Variants in RBM26 observed in about 807,000 individuals in gnomAD.
The protein encoded by RBM26 is RNA binding motif protein 26.
A neutral mutation model predicts 123.6 loss-of-function variants in RBM26; 30 were observed. The observed-to-expected ratio is 0.24, with a 90% CI of 0.18 to 0.33. The LOEUF is 0.33. Ranked by LOEUF, RBM26 falls within the 10% of genes least tolerant of loss-of-function variation. The probability of loss-of-function intolerance (pLI) is 1.00; values close to 1 mark genes in which losing one functional copy is unlikely to be tolerated. For missense variants in RBM26, 947 were observed against 1,203.6 expected, an observed-to-expected ratio of 0.79 and a Z score of 3.15; for synonymous variants, 400 against 404.4, an observed-to-expected ratio of 0.99 and a Z score of 0.13.
intron 18 of RBM26, among the ~76,000 whole-genome samples, chr13:79,340,001 GAAT>G (rs538584836): frequency 1.2e-4 from 18 of 152,192 alleles, no homozygotes; most frequent in African/African-American, 2.9e-4. Flanking sequence ...GCAAAACACA[GAAT>G]AATAAGGAAT....
chr13:79,320,210 A>G lies in RBM26; in HGVS notation c.*411T>C. On this transcript the variant is annotated 3_prime_UTR_variant, in exon 22 of 22. Transcript: ENST00000438737. ...CTTTAGTTAGAGTACTATGTTATCT[A>G]TTCAGTTTTGAAAACATTCATTAAG... is the stretch of plus-strand genomic sequence containing the variant. The G allele has an allele frequency of 1.0e-6, 1 of 955,838 alleles. No homozygotes were observed. Among genetic ancestry groups the G allele is most frequent in the Non-Finnish European group, 1.2e-6 (1 of 802,054 alleles). 59.2% of individuals were successfully genotyped at this position (955,838 alleles called of 1,614,324 possible). A position where few individuals can be genotyped will look rare whatever the true frequency, so the allele number is the denominator to read the frequency against.
At chr13:79,316,067 A>G (rs2067113212), downstream of RBM26, among the ~76,000 whole-genome samples, 2 of 151,736 alleles carry the variant, frequency 1.3e-5, no homozygotes, top group Admixed American at 1.3e-4. Context: ...TTCCATTTGT[A>G]ATTTACAGTA....
rs2075186486 is a variant in RBM26 at position 79,365,680 on chromosome 13, T to G, written c.1315A>C (p.Ser439Arg). The G allele has an allele frequency of 6.2e-7, 1 of 1,613,974 alleles. No homozygotes were observed. Among genetic ancestry groups the G allele is most frequent in the East Asian group, 2.2e-5 (1 of 44,866 alleles). ...DTDGYNPEAP[S>R]ITNTSRPMYR... ...ATAGGTCTGGAAGTGTTTGTTATGC[T>G]TGGGGCTTCAGGATTGTAGCCATCT... The change falls in exon 9 of 22, where the codon AGC (serine) becomes CGC (arginine). Residue 439 changes from serine to arginine, a missense_variant. Transcript: ENST00000438737.
intron 6 of RBM26, 96 bp from the exon 7 acceptor site, chr13:79,366,968 AT>A: frequency 9.7e-7 from 1 of 1,036,036 alleles, no homozygotes. Context: ...AAATATGAAT[AT>A]TTTTAATATT....
chr13:79,333,429 A>C (rs1312612707), intron 20 of RBM26, among the ~76,000 whole-genome samples: 1 of 152,240 alleles, frequency 6.6e-6, no homozygotes, highest in African/African-American at 2.4e-5. Context: ...CTACCAGGTA[A>C]GCAATGTACC....
In RBM26 at chr13:79,350,619, A is replaced by AAAC. The variant is rs1484409267; in HGVS notation, c.2058+2533_2058+2534insGTT. 1.1e-4 allele frequency among the ~76,000 whole-genome samples: 16 copies of AAAC among 152,286 alleles called. No homozygotes were observed. In the South Asian group the frequency reaches 2.3e-3, roughly 22 times the overall value. On this transcript the variant is annotated intron_variant, in intron 14 of 21. Coordinates refer to ENST00000438737, the MANE Select transcript of RBM26 (RefSeq NM_001366735.2). ...ATAAAGAATAATCACTAAAGGTTTTACTGTGTGTTGTTGATAGGGAAGGTA... is the reference window on the plus strand; with the variant it reads ...ATAAAGAATAATCACTAAAGGTTTTAAACCTGTGTGTTGTTGATAGGGAAGGTA...
chr13:79,349,665 A>G (rs2072906645), intron 14 of RBM26, among the ~76,000 whole-genome samples: 2 of 151,990 alleles, frequency 1.3e-5, no homozygotes, highest in Non-Finnish European at 2.9e-5. Context: ...AAAATAGTCA[A>G]TAACAGTTAA....
intron 5 of RBM26, 121 bp downstream of exon 5, chr13:79,370,824 G>T: frequency 9.5e-7 from 1 of 1,051,922 alleles, no homozygotes; most frequent in Non-Finnish European, 1.4e-6. Flanking sequence ...CATTCTCTTG[G>T]ACCACAGAAT....
Position 79,319,753 on chromosome 13 carries a change from A to C in RBM26, c.*868T>G, listed in dbSNP as rs1466970722. The C allele has an allele frequency of 1.0e-6, 1 of 982,380 alleles. No homozygotes were observed. Among genetic ancestry groups the C allele is most frequent in the East Asian group, 1.1e-4 (1 of 8,790 alleles). The allele number at this position is 982,380 out of a possible 1,614,324, so 60.9% of individuals were successfully genotyped here. A position where few individuals can be genotyped will look rare whatever the true frequency, so the allele number is the denominator to read the frequency against. ...TAGGATCAAACCAAACTCAAGTGGT[A>C]TAATTTTTAAACATTGGATTGTACA... On this transcript the variant is annotated 3_prime_UTR_variant, in exon 22 of 22. Transcript: ENST00000438737.
downstream of RBM26, among the ~76,000 whole-genome samples, chr13:79,317,358 A>C (rs757462027): frequency 6.6e-6 from 1 of 151,700 alleles, no homozygotes; most frequent in African/African-American, 2.4e-5. Flanking sequence ...TCAAACACTA[A>C]TATAGTACCA....
intron 1 of RBM26, among the ~76,000 whole-genome samples, chr13:79,392,009 A>AT (rs1594693521): frequency 5.2e-5 from 1 of 19,400 alleles, no homozygotes; most frequent in East Asian, 2.9e-3. Context: ...ATATAATTAT[A>AT]TATTATACAT....
In RBM26 at chr13:79,366,320, C is replaced by T. The variant is rs1249368917; in HGVS notation, c.1136-125G>A. ...ATCTACAAACACCAAGCCCTTACAA[C>T]TGAATTAGATATCCAGGGTAAAATA... On this transcript the variant is annotated intron_variant, in intron 7 of 21. Coordinates refer to ENST00000438737, the MANE Select transcript of RBM26 (RefSeq NM_001366735.2). 6.5e-6 allele frequency: 7 copies of T among 1,082,126 alleles called. No homozygotes were observed. In the East Asian group the frequency reaches 1.8e-4, roughly 28 times the overall value. 67.0% of individuals were successfully genotyped at this position (1,082,126 alleles called of 1,614,324 possible). A position where few individuals can be genotyped will look rare whatever the true frequency, so the allele number is the denominator to read the frequency against.
At chr13:79,316,723 GAC>G (rs2067185097), downstream of RBM26, among the ~76,000 whole-genome samples, 1 of 151,742 alleles carries the variant, frequency 6.6e-6, no homozygotes, top group South Asian at 2.1e-4. Flanking sequence ...CTTAAGTAGA[GAC>G]ACAAAATATT....
Position 79,405,988 on chromosome 13 carries a change from C to G in RBM26, c.-214G>C. The G allele has an allele frequency of 3.2e-6, 1 of 315,438 alleles. No homozygotes were observed. The highest frequency in any genetic ancestry group is 5.8e-6 in the Non-Finnish European group (1 of 173,770). 19.5% of individuals were successfully genotyped at this position (315,438 alleles called of 1,614,324 possible). A position where few individuals can be genotyped will look rare whatever the true frequency, so the allele number is the denominator to read the frequency against. ...CGGGGTGCCAGGAGCTCCCCGTCCC[C>G]GGCCCCCAGCCCGGGCTGAAACAGC... On this transcript the variant is annotated 5_prime_UTR_variant, in exon 1 of 22. Coordinates refer to ENST00000438737, the MANE Select transcript of RBM26 (RefSeq NM_001366735.2).
At chr13:79,335,400 T>C (rs752368133) in intron 19 of RBM26, among the ~76,000 whole-genome samples, 25 of 152,144 alleles carry the variant, frequency 1.6e-4, no homozygotes, top group Non-Finnish European at 2.4e-4. Flanking sequence ...AGGGCATACC[T>C]GCCACAAAGT....
chr13:79,335,916 T>C (rs537970043), intron 19 of RBM26, among the ~76,000 whole-genome samples: 1 of 152,280 alleles, frequency 6.6e-6, no homozygotes, highest in South Asian at 2.1e-4. Context: ...ATGGGCAAGA[T>C]TTATTTCCAA....
intron 15 of RBM26, 96 bp downstream of exon 15, chr13:79,344,573 T>G (rs998010160): frequency 6.4e-5 from 73 of 1,135,258 alleles, no homozygotes; most frequent in Non-Finnish European, 8.9e-5. Context: ...CAAACACCCT[T>G]GTAGTCTTAT....
chr13:79,367,202 T>A (rs1594380014), intron 6 of RBM26, among the ~76,000 whole-genome samples: 1 of 149,312 alleles, frequency 6.7e-6, no homozygotes, highest in South Asian at 2.1e-4. Flanking sequence ...AGGTCAGGAG[T>A]TCGAGACCAG....
At chr13:79,354,619 G>A (rs1168522728) in intron 12 of RBM26, 49 bp from the exon 13 acceptor site, 1 of 1,500,008 alleles carries the variant, frequency 6.7e-7, no homozygotes. Context: ...TCAAAAGGAT[G>A]GAAAGTGACC....
Sources: gnomAD v4.1 joint callset for allele counts (sites outside exome capture counted in the v4.1 genomes callset) on GRCh38, gnomAD v4.1.1 for gene constraint, MANE v1.5 for transcripts, NCBI Gene and HGNC (gene_info 2026-07-23, HGNC 2026-07-21) for gene names.